PLEKHA6: variants seen among roughly 807,000 people sequenced by gnomAD.
The protein encoded by PLEKHA6 is pleckstrin homology domain-containing family A member 6.
A neutral mutation model predicts 116.7 loss-of-function variants in PLEKHA6; 60 were observed. That is an observed-to-expected ratio of 0.51 (90% CI 0.42 to 0.64). PLEKHA6 has a LOEUF of 0.64. PLEKHA6 is among the 30% of genes least tolerant of loss of function. PLEKHA6 has a pLI of 0.00. For missense variants in PLEKHA6, 1,338 were observed against 1,422.7 expected, an observed-to-expected ratio of 0.94 and a Z score of 0.96; for synonymous variants, 489 against 556.1, an observed-to-expected ratio of 0.88 and a Z score of 1.70.
chr1:204,323,033 T>C (rs528021181), intron 1 of PLEKHA6, among the ~76,000 whole-genome samples: 23 of 152,360 alleles, frequency 1.5e-4, no homozygotes, highest in Admixed American at 1.2e-3. Context: ...CGCTTTTACA[T>C]TGGTTAGAGC....
At position 204,277,152 on chromosome 1, in the gene PLEKHA6, T is replaced by C. The variant is rs4526667; in HGVS notation, c.-94-2343A>G. 0.24 allele frequency: 35,832 copies of C among 152,168 alleles called. 4,549 individuals carry two copies. The highest frequency in any genetic ancestry group is 0.32 in the African/African-American group (13,362 of 41,356). 9.4% of individuals were successfully genotyped at this position (152,168 alleles called of 1,614,324 possible). On this transcript the variant is annotated intron_variant, in intron 1 of 22. Coordinates refer to ENST00000272203, the MANE Select transcript of PLEKHA6 (RefSeq NM_014935.5). This position sits in a 1 kb window ranked among gnomAD's most constrained non-coding sequence, Gnocchi z 4.1. The stretch of plus-strand genomic sequence containing the variant: ...GTAAGGCTGTGGCAGAGATGCAGAG[T>C]GATTGGTGGCAGAGTCTCTAGCAGT...
At position 204,228,856 on chromosome 1, in the gene PLEKHA6, G is replaced by A; in HGVS notation, c.2757C>T (p.Ser919=). The change falls in exon 20 of 23, where the codon TCC becomes TCT. Residue 919 remains serine (S), a synonymous_variant. Transcript: ENST00000272203. This position sits in a 1 kb window ranked among gnomAD's most constrained non-coding sequence, Gnocchi z 4.0. ...CAGGGATGAGGACTTTGTCTGGAGT[G>A]GAGAGCTATGGAGGGGCTGGGGTCA... ...HYDVDINKEL[S]TPDKVLIPER... 6.2e-7 allele frequency: 1 copy of A among 1,614,078 alleles called. No individual in the cohort carries two copies. Among genetic ancestry groups the A allele is most frequent in the Non-Finnish European group, 8.5e-7 (1 of 1,179,984 alleles).
intron 9 of PLEKHA6, among the ~76,000 whole-genome samples, chr1:204,254,347 A>G (rs564655225): frequency 6.6e-6 from 1 of 152,366 alleles, no homozygotes; most frequent in East Asian, 1.9e-4. Context: ...GCCTATTACA[A>G]AATCGAATTG....
At chr1:204,328,554 T>G (rs529515647) in intron 1 of PLEKHA6, among the ~76,000 whole-genome samples, 1 of 151,890 alleles carries the variant, frequency 6.6e-6, no homozygotes, top group Non-Finnish European at 1.5e-5. Flanking sequence ...GCCTGGCTAA[T>G]TGTGTATTTT....
At chr1:204,242,968 A>G (rs11240710) in intron 15 of PLEKHA6, 145,076 of 397,958 alleles carry the variant, frequency 0.36, 27,433 homozygotes, top group East Asian at 0.53. Flanking sequence ...CTTATCCCAG[A>G]GTCCAGCTGG....
At chr1:204,309,802 C>A (rs1671591771) in intron 1 of PLEKHA6, 1 of 622,812 alleles carries the variant, frequency 1.6e-6, no homozygotes, top group Non-Finnish European at 2.0e-6. Flanking sequence ...CAGGAGTCAG[C>A]AAACTTTTTA....
intron 1 of PLEKHA6, among the ~76,000 whole-genome samples, chr1:204,318,575 A>C (rs754109430): frequency 6.6e-6 from 1 of 152,160 alleles, no homozygotes; most frequent in Non-Finnish European, 1.5e-5. Context: ...GTGGCTCCAT[A>C]AGTGTGGCCT....
intron 1 of PLEKHA6, among the ~76,000 whole-genome samples, chr1:204,317,923 T>G (rs1267535566): frequency 1.3e-5 from 2 of 152,250 alleles, no homozygotes; most frequent in African/African-American, 4.8e-5. Context: ...ATATCATTAT[T>G]GTGAGGACTG....
intron 1 of PLEKHA6, among the ~76,000 whole-genome samples, chr1:204,333,180 G>A (rs1572194667): frequency 6.6e-6 from 1 of 152,228 alleles, no homozygotes; most frequent in East Asian, 1.9e-4. Context: ...AGTGAACAGA[G>A]TGAGGAAGAA....
At position 204,244,890 on chromosome 1, in the gene PLEKHA6, AC is replaced by A; in HGVS notation, c.2145del (p.Ser716ProfsTer42). On this transcript the variant is annotated frameshift_variant, in exon 15 of 23. Transcript: ENST00000272203. LOFTEE classifies it high-confidence loss of function. Reference protein sequence around the residue: ...SPFSLVSGSQGSPTKPGSNEP... With the variant: ...SPFSLVSGSQXSPTKPGSNEP... Reference sequence around the variant, plus strand: ...TCGTTGGAGCCAGGCTTGGTGGGGGACCCCTGAGAGCCCGACACCAGTGAAA... The same window carrying A: ...TCGTTGGAGCCAGGCTTGGTGGGGGACCCTGAGAGCCCGACACCAGTGAAA... 6.4e-7 allele frequency: 1 copy of A among 1,558,000 alleles called. No individual in the cohort carries two copies. The highest frequency in any genetic ancestry group is 8.7e-7 in the Non-Finnish European group (1 of 1,150,536).
intron 1 of PLEKHA6, among the ~76,000 whole-genome samples, chr1:204,287,022 G>A (rs990043428): frequency 1.3e-5 from 2 of 152,064 alleles, no homozygotes; most frequent in African/African-American, 2.4e-5. Context: ...TTACCTTATC[G>A]CTCGAATCTG....
intron 1 of PLEKHA6, chr1:204,280,402 T>C: frequency 1.0e-6 from 1 of 985,316 alleles, no homozygotes; most frequent in South Asian, 4.7e-5. Flanking sequence ...CTGTGATCAA[T>C]ATTGAACGAC....
chr1:204,294,118 A>G (rs914620632), intron 1 of PLEKHA6, among the ~76,000 whole-genome samples: 20 of 152,084 alleles, frequency 1.3e-4, no homozygotes, highest in Non-Finnish European at 2.2e-4. Context: ...CAGCTGCTTG[A>G]CAGCTGCATT....
rs769642831 is a variant in PLEKHA6 at position 204,257,607 on chromosome 1, T to A, written c.1270A>T (p.Ile424Phe). 3 of 1,609,344 alleles carry A rather than the reference T, an allele frequency of 1.9e-6. No homozygotes were observed. Among genetic ancestry groups the A allele is most frequent in the Non-Finnish European group, 2.5e-6 (3 of 1,178,266 alleles). Residue 424 changes from isoleucine (I) to phenylalanine (F), a missense_variant, in exon 9 of 23, where the codon ATC (isoleucine) becomes TTC (phenylalanine). Transcript: ENST00000272203. The surrounding 1 kb of genome is among the most constrained non-coding windows in gnomAD (Gnocchi z 6.5). ...SYGRQDATVW[I>F]PSPSRQPVYY... Reference sequence around the variant, plus strand: ...ACTGGCTGCCGGGAGGGGCTTGGGATCCAGACGGTGGCATCCTGCCGCCCG... The same window carrying A: ...ACTGGCTGCCGGGAGGGGCTTGGGAACCAGACGGTGGCATCCTGCCGCCCG...
intron 1 of PLEKHA6, among the ~76,000 whole-genome samples, chr1:204,295,666 G>T (rs1670206725): frequency 6.6e-6 from 1 of 152,108 alleles, no homozygotes; most frequent in Admixed American, 6.5e-5. Context: ...AGCACCTTCG[G>T]TTCTTCAGGG....
chr1:204,271,376 T>TTC (rs1667435865), intron 3 of PLEKHA6, among the ~76,000 whole-genome samples: 1 of 152,212 alleles, frequency 6.6e-6, no homozygotes, highest in African/African-American at 2.4e-5. Context: ...ACTCAGCAAC[T>TTC]GTTTGTAGAA....
intron 7 of PLEKHA6, among the ~76,000 whole-genome samples, chr1:204,260,640 C>T (rs562092142): frequency 5.5e-4 from 83 of 152,258 alleles, no homozygotes; most frequent in African/African-American, 1.9e-3. Context: ...GTAAACATTT[C>T]TAAGATATGT....
chr1:204,353,699 T>C (rs1420631241), intron 1 of PLEKHA6, among the ~76,000 whole-genome samples: 1 of 152,198 alleles, frequency 6.6e-6, no homozygotes, highest in East Asian at 1.9e-4. Context: ...GTGGGAACTA[T>C]TATTCCCATT....
intron 4 of PLEKHA6, 46 bp downstream of exon 4, chr1:204,268,162 G>A (rs764323993): frequency 8.1e-7 from 1 of 1,227,226 alleles, no homozygotes. Context: ...TATTCTGTGA[G>A]GAGAAGGTGG....
Sources: gnomAD v4.1 joint callset for allele counts (sites outside exome capture counted in the v4.1 genomes callset) on GRCh38, gnomAD v4.1.1 for gene constraint, Gnocchi (gnomAD v3.1) non-coding constraint, MANE v1.5 for transcripts, NCBI Gene and HGNC (gene_info 2026-07-23, HGNC 2026-07-21) for gene names.